The following DNAH6 variants were observed in gnomAD, a reference collection of about 807,000 sequenced individuals.
DNAH6 encodes the protein dynein axonemal heavy chain 6, also known as axonemal beta dynein heavy chain 6.
A neutral mutation model predicts 491.4 loss-of-function variants in DNAH6; 340 were observed. The observed-to-expected ratio is 0.69, with a 90% CI of 0.63 to 0.76. The LOEUF (loss-of-function observed/expected upper bound fraction) is 0.76. Among genes scored for constraint, DNAH6 ranks in the 30% least tolerant of loss-of-function variants. DNAH6 has a pLI of 0.00. For missense variants in DNAH6, 4,443 were observed against 4,972.2 expected (o/e 0.89, Z 3.20); for synonymous variants, 1,603 against 1,686.1 (o/e 0.95, Z 1.21).
intron 35 of DNAH6, among the ~76,000 whole-genome samples, chr2:84,656,578 C>T (rs935448449): frequency 2.6e-5 from 4 of 151,940 alleles, no homozygotes; most frequent in South Asian, 4.1e-4. Flanking sequence ...ATCTATGTAT[C>T]GTATTTCATG....
At chr2:84,486,123 A>G in the DNAH6 span, among the ~76,000 whole-genome samples, 5 of 152,134 alleles carry the variant, frequency 3.3e-5, no homozygotes, top group African/African-American at 1.2e-4. Flanking sequence ...TAGCTGGTAC[A>G]TTTACCCTTT....
chr2:84,734,398 C>T (rs1699374621), intron 62 of DNAH6, among the ~76,000 whole-genome samples: 2 of 152,138 alleles, frequency 1.3e-5, no homozygotes, highest in South Asian at 4.2e-4. Flanking sequence ...CCTCGGCCTC[C>T]CAAAGTGCTG....
In DNAH6 at chr2:84,641,955, A is replaced by G. The variant is rs1689452911; in HGVS notation, c.4979A>G (p.Lys1660Arg). Residue 1660 changes from lysine (K) to arginine (R), a missense_variant, in exon 33 of 77, where the codon AAA becomes AGA. This residue lies in a region of DNAH6 where 2,977 missense variants were observed against 3,296.6 expected (regional missense o/e 0.90). Coordinates refer to ENST00000389394, the MANE Select transcript of DNAH6 (RefSeq NM_001370.2). Reference protein sequence around the residue: ...KSVLVMAGSLKRENPDLNEDV... With the variant: ...KSVLVMAGSLRRENPDLNEDV... Reference sequence around the variant, plus strand: ...TATTCCTTTAAATTTAGATCTTTAAAAAGAGAAAACCCAGACCTAAATGAA... The same window carrying G: ...TATTCCTTTAAATTTAGATCTTTAAGAAGAGAAAACCCAGACCTAAATGAA... 6.5e-7 allele frequency: 1 copy of G among 1,549,482 alleles called. No individual in the cohort carries two copies. Among genetic ancestry groups the G allele is most frequent in the South Asian group, 1.2e-5 (1 of 83,842 alleles).
chr2:84,523,742 T>A (rs1045017692), intron 2 of DNAH6, among the ~76,000 whole-genome samples: 2 of 152,188 alleles, frequency 1.3e-5, no homozygotes, highest in African/African-American at 4.8e-5. Context: ...GGTTGTTTAT[T>A]TTCCATGTAA....
In DNAH6 at chr2:84,548,272, C is replaced by T. The variant is rs1678987547; in HGVS notation, c.1187-16C>T. 2 of 1,598,984 alleles carry T rather than the reference C, an allele frequency of 1.3e-6. No homozygotes were observed. Among genetic ancestry groups the T allele is most frequent in the African/African-American group, 2.7e-5 (2 of 74,116 alleles). On this transcript the variant is annotated splice_polypyrimidine_tract_variant and intron_variant, in intron 7 of 76. Transcript: ENST00000389394. ...TACACAAGTACACTTGTTGTTGTTCCTTCTGTTATTCTTAGATTATCATAA... is the reference window on the plus strand; with the variant it reads ...TACACAAGTACACTTGTTGTTGTTCTTTCTGTTATTCTTAGATTATCATAA...
chr2:84,614,045 A>G (rs1686590123), intron 22 of DNAH6, among the ~76,000 whole-genome samples: 1 of 145,040 alleles, frequency 6.9e-6, no homozygotes, highest in Non-Finnish European at 1.5e-5. Flanking sequence ...TTTTTATTTC[A>G]ATAGGTTTGG....
At chr2:84,725,822 T>C (rs1387942796) in intron 60 of DNAH6, among the ~76,000 whole-genome samples, 1 of 152,214 alleles carries the variant, frequency 6.6e-6, no homozygotes. Context: ...TTACCAGTTT[T>C]ATTTTGGTAC....
intron 64 of DNAH6, among the ~76,000 whole-genome samples, chr2:84,779,645 T>C (rs1383575032): frequency 6.6e-6 from 1 of 152,192 alleles, no homozygotes; most frequent in Non-Finnish European, 1.5e-5. Context: ...CCAAGGTTAA[T>C]ATTGATATGT....
At position 84,653,589 on chromosome 2, in the gene DNAH6, C is replaced by T. The variant is rs757475867; in HGVS notation, c.5349C>T (p.Tyr1783=). The T allele has an allele frequency of 2.0e-5, 31 of 1,551,260 alleles. No homozygotes were observed. In the South Asian group the frequency reaches 3.6e-4, roughly 18 times the overall value. Residue 1783 remains tyrosine, a synonymous_variant, in exon 34 of 77, where the codon TAC becomes TAT. Coordinates refer to ENST00000389394, the MANE Select transcript of DNAH6 (RefSeq NM_001370.2). ...LQKLGIENSF[Y]QAVKTYVLNP... ...AACTTGGGATAGAAAATTCCTTTTACCAAGCAGTTAAAACATATGTTCTCA... is the reference window on the plus strand; with the variant it reads ...AACTTGGGATAGAAAATTCCTTTTATCAAGCAGTTAAAACATATGTTCTCA...
intron 37 of DNAH6, among the ~76,000 whole-genome samples, chr2:84,662,321 A>G (rs1419814189): frequency 6.6e-6 from 1 of 152,152 alleles, no homozygotes. Context: ...TCACCCAGGA[A>G]GCACAAGGGG....
intron 29 of DNAH6, among the ~76,000 whole-genome samples, chr2:84,631,355 C>T (rs1483208980): frequency 6.6e-6 from 1 of 152,112 alleles, no homozygotes; most frequent in African/African-American, 2.4e-5. Flanking sequence ...TTATTATATC[C>T]ATCATAAACT....
chr2:84,542,295 A>T (rs1187563931), intron 4 of DNAH6, among the ~76,000 whole-genome samples: 1 of 152,196 alleles, frequency 6.6e-6, no homozygotes. Context: ...TCAGTGGCAA[A>T]TTGAAGTTTT....
chr2:84,738,202 T>C (rs1223091543), intron 62 of DNAH6, among the ~76,000 whole-genome samples: 1 of 152,174 alleles, frequency 6.6e-6, no homozygotes, highest in Non-Finnish European at 1.5e-5. Flanking sequence ...TTCACTGTTG[T>C]CTCAGAAGAT....
intron 10 of DNAH6, among the ~76,000 whole-genome samples, chr2:84,556,398 A>T (rs1377068240): frequency 6.6e-6 from 1 of 152,204 alleles, no homozygotes; most frequent in Non-Finnish European, 1.5e-5. Flanking sequence ...ATGCTCCAGT[A>T]CCTAAATGAC....
In DNAH6 at chr2:84,812,631, T is replaced by A. The variant is rs564305680; in HGVS notation, c.11925+105T>A. 1.1e-5 allele frequency: 10 copies of A among 917,836 alleles called. No homozygotes were observed. The Admixed American group carries it at 1.4e-4, about 13-fold the overall frequency. The allele number at this position is 917,836 out of a possible 1,614,324, so 56.9% of individuals were successfully genotyped here. On this transcript the variant is annotated intron_variant, in intron 73 of 76. Transcript: ENST00000389394. ...GATATCCACAGTCACTGATGGATAA[T>A]CTGAGCCCAGAGAAAAAGAGATGTC...
At chr2:84,476,463 A>G in the DNAH6 span, among the ~76,000 whole-genome samples, 1 of 152,182 alleles carries the variant, frequency 6.6e-6, no homozygotes, top group Non-Finnish European at 1.5e-5. Context: ...CAGCAGTTGG[A>G]ACCGACGGGC....
chr2:84,476,906 G>A, the DNAH6 span, among the ~76,000 whole-genome samples: 1 of 152,300 alleles, frequency 6.6e-6, no homozygotes, highest in Admixed American at 6.5e-5. Flanking sequence ...GTTCTTCCAA[G>A]CACTCAGCTT....
chr2:84,745,926 G>A (rs1672933458), intron 63 of DNAH6, among the ~76,000 whole-genome samples: 1 of 152,134 alleles, frequency 6.6e-6, no homozygotes, highest in African/African-American at 2.4e-5. Flanking sequence ...GGACCTGTTT[G>A]AAGATGAAAG....
At chr2:84,485,560 C>T in the DNAH6 span, among the ~76,000 whole-genome samples, 1 of 152,014 alleles carries the variant, frequency 6.6e-6, no homozygotes. Context: ...GTGGGTGGAA[C>T]CTATAGAGGG....
Sources: gnomAD v4.1 joint callset for allele counts (sites outside exome capture counted in the v4.1 genomes callset) on GRCh38, gnomAD v4.1.1 for gene constraint, gnomAD v4.1.1 regional missense constraint, MANE v1.5 for transcripts, NCBI Gene and HGNC (gene_info 2026-07-23, HGNC 2026-07-21) for gene names.